Variants in GDPD2 observed in about 807,000 individuals in gnomAD.
GDPD2 encodes glycerophosphodiester phosphodiesterase domain containing 2.
GDPD2 carries 23 observed loss-of-function variants against 49.2 expected under a neutral mutation model. That is an observed-to-expected ratio of 0.47 (90% CI 0.34 to 0.66). The LOEUF is 0.66. Among genes scored for constraint, GDPD2 ranks in the 30% least tolerant of loss-of-function variants. The probability of loss-of-function intolerance (pLI) is 0.01; values close to 1 mark genes in which losing one functional copy is unlikely to be tolerated. For synonymous variants in GDPD2, 167 were observed against 171.4 expected (o/e 0.97, Z 0.20); for missense variants, 338 against 424.7 (o/e 0.80, Z 1.79).
chrX:70,432,414 G>T lies in GDPD2; in HGVS notation c.1415G>T (p.Cys472Phe), dbSNP rs1287451554. 1 of 1,210,739 alleles carries T rather than the reference G, an allele frequency of 8.3e-7. No individual in the cohort carries two copies. Among genetic ancestry groups the T allele is most frequent in the East Asian group, 3.0e-5 (1 of 33,853 alleles). The part of the protein sequence containing the change: ...AGVDSVTTND[C>F]QLLQQMRYPI... ...GTGGATTCGGTCACCACCAACGACTGCCAGCTGCTGCAGCAGATGCGTTAC... is the reference window on the plus strand; with the variant it reads ...GTGGATTCGGTCACCACCAACGACTTCCAGCTGCTGCAGCAGATGCGTTAC... Residue 472 changes from cysteine (C) to phenylalanine (F), a missense_variant, in exon 13 of 16, where the codon TGC (cysteine) becomes TTC (phenylalanine). Physicochemically the swap from Cys to Phe is radical, Grantham distance 205. This residue lies in a region of GDPD2 where 253 missense variants were observed against 330.4 expected (regional missense o/e 0.77). Coordinates refer to ENST00000374382, the MANE Select transcript of GDPD2 (RefSeq NM_017711.4).
In GDPD2 at chrX:70,426,117, G is replaced by A; in HGVS notation, c.363+6G>A. The A allele has an allele frequency of 8.4e-7, 1 of 1,184,364 alleles. No homozygotes were observed. ...ATCTGCACAGCCTCCACAAGGTACA[G>A]TAGGGATGGGAGTGCATGGGAGAGG... On this transcript the variant is annotated splice_donor_region_variant and intron_variant, in intron 5 of 15. Coordinates refer to ENST00000374382, the MANE Select transcript of GDPD2 (RefSeq NM_017711.4).
chrX:70,430,205 T>C lies in GDPD2; in HGVS notation c.1307+142T>C, dbSNP rs1267706099. On this transcript the variant is annotated intron_variant, in intron 12 of 15. Transcript: ENST00000374382. ...AACACTTGCCATGTATCAGGTAGTA[T>C]TGCAGGCTTTGGGGAAACAACACAG... 6 of 528,526 alleles carry C rather than the reference T, an allele frequency of 1.1e-5. No homozygotes were observed. In the East Asian group the frequency reaches 1.8e-4, roughly 16 times the overall value. 43.6% of individuals were successfully genotyped at this position (528,526 alleles called of 1,213,427 possible). A position where few individuals can be genotyped will look rare whatever the true frequency, so the allele number is the denominator to read the frequency against.
chrX:70,430,413 C>G (rs1478935701), intron 12 of GDPD2, among the ~76,000 whole-genome samples: 1 of 111,645 alleles, frequency 9.0e-6, no homozygotes, highest in Non-Finnish European at 1.9e-5. Flanking sequence ...TGGGTGCACC[C>G]ACATTAGGAA....
intron 12 of GDPD2, 139 bp downstream of exon 12, chrX:70,430,202 G>A (rs1269876026): frequency 1.3e-5 from 7 of 540,866 alleles, no homozygotes; most frequent in Admixed American, 3.7e-5. Context: ...GTATCAGGTA[G>A]TATTGCAGGC....
At chrX:70,425,671 C>G in intron 3 of GDPD2, 92 bp from the exon 4 acceptor site, 4 of 599,006 alleles carry the variant, frequency 6.7e-6, no homozygotes, top group Non-Finnish European at 1.2e-5. Context: ...TCACTCCCTT[C>G]TAGTCTTCCT....
At chrX:70,426,322 C>T (rs909118378) in intron 5 of GDPD2, 49 bp from the exon 6 acceptor site, 10 of 1,083,316 alleles carry the variant, frequency 9.2e-6, no homozygotes, top group African/African-American at 1.8e-5. Context: ...AGCTCACCAA[C>T]CATGAGCCCA....
In GDPD2 at chrX:70,433,198, C is replaced by A; in HGVS notation, c.*112C>A. 3.4e-6 allele frequency: 2 copies of A among 588,929 alleles called. No homozygotes were observed. Among genetic ancestry groups the A allele is most frequent in the Non-Finnish European group, 5.6e-6 (2 of 355,507 alleles). 48.5% of individuals were successfully genotyped at this position (588,929 alleles called of 1,213,427 possible). On this transcript the variant is annotated 3_prime_UTR_variant, in exon 16 of 16. Coordinates refer to ENST00000374382, the MANE Select transcript of GDPD2 (RefSeq NM_017711.4). ...GGTGGTGGGTTGCAAGTGGGGGGAG[C>A]TTTGCCAACAGGAGGTTTTGAACCA...
At chrX:70,430,952 A>AT (rs557583589) in intron 12 of GDPD2, 11,704 of 360,625 alleles carry the variant, frequency 0.032, 6 homozygotes, top group South Asian at 0.037. Flanking sequence ...ATGCAAGGCT[A>AT]TTTTTTTTTT....
At chrX:70,423,484 T>G (rs2086395936) in intron 1 of GDPD2, 102 bp downstream of exon 1, 1 of 111,906 alleles carries the variant, frequency 8.9e-6, no homozygotes. Context: ...ATGGCACCCC[T>G]GTCAGCAACC....
intron 4 of GDPD2, 77 bp from the exon 5 acceptor site, chrX:70,425,975 A>G: frequency 1.1e-6 from 1 of 942,987 alleles, no homozygotes; most frequent in Non-Finnish European, 1.5e-6. Flanking sequence ...GGAGGGAAGT[A>G]CCAGCCTGGG....
rs745867534 is a variant in GDPD2 at position 70,425,035 on chromosome X, C to T, written c.51C>T (p.Cys17=). ...CCGTCTGGGCCCGCTGCCTCCACTGCCTGTATAGCTGCCACTGGAGGAAAT... is the reference window on the plus strand; with the variant it reads ...CCGTCTGGGCCCGCTGCCTCCACTGTCTGTATAGCTGCCACTGGAGGAAAT... ...CCSVWARCLH[C]LYSCHWRKCP... is the part of the protein sequence containing the mutation. Residue 17 remains cysteine (C), a synonymous_variant, in exon 2 of 16, where the codon TGC becomes TGT. Transcript: ENST00000374382. 2.5e-6 allele frequency: 3 copies of T among 1,199,778 alleles called. No individual in the cohort carries two copies. In the African/African-American group the frequency reaches 5.3e-5, roughly 21 times the overall value.
chrX:70,426,987 G>T lies in GDPD2; in HGVS notation c.678G>T (p.Leu226=). ...EPRDLPPKPG[L]VGHRGAPMLA... is the part of the protein sequence containing the mutation. The stretch of plus-strand genomic sequence containing the variant: ...GAGACTTACCACCCAAGCCTGGGCT[G>T]GTGGGACACCGAGGGGCCCCCATGG... The change falls in exon 8 of 16, where the codon CTG becomes CTT. Residue 226 remains leucine (L), a synonymous_variant. Transcript: ENST00000374382. 8.3e-7 allele frequency: 1 copy of T among 1,211,107 alleles called. No individual in the cohort carries two copies. The highest frequency in any genetic ancestry group is 1.1e-6 in the Non-Finnish European group (1 of 894,891).
In GDPD2 at chrX:70,433,188, G is replaced by A. The variant is rs1004019015; in HGVS notation, c.*102G>A. ...ATGCTTCAGGGGTGGTGGGTTGCAA[G>A]TGGGGGGAGCTTTGCCAACAGGAGG... On this transcript the variant is annotated 3_prime_UTR_variant, in exon 16 of 16. Coordinates refer to ENST00000374382, the MANE Select transcript of GDPD2 (RefSeq NM_017711.4). The A allele has an allele frequency of 2.5e-5, 16 of 647,904 alleles. No individual in the cohort carries two copies. The highest frequency in any genetic ancestry group is 3.9e-5 in the Non-Finnish European group (16 of 406,652). 53.4% of individuals were successfully genotyped at this position (647,904 alleles called of 1,213,427 possible). A position where few individuals can be genotyped will look rare whatever the true frequency, so the allele number is the denominator to read the frequency against.
chrX:70,423,899 G>T (rs990760213), intron 1 of GDPD2, among the ~76,000 whole-genome samples: 1 of 111,591 alleles, frequency 9.0e-6, no homozygotes, highest in Non-Finnish European at 1.9e-5. Flanking sequence ...CAGCCCGCAC[G>T]CACACATGCT....
chrX:70,427,603 G>A, intron 10 of GDPD2, 140 bp downstream of exon 10: 1 of 478,518 alleles, frequency 2.1e-6, no homozygotes, highest in Non-Finnish European at 3.4e-6. Context: ...CTTCCACCTA[G>A]TAGAGAGCCT....
intron 12 of GDPD2, chrX:70,431,126 T>C: frequency 1.7e-6 from 2 of 1,144,055 alleles, no homozygotes; most frequent in Admixed American, 2.6e-5. Context: ...CACCTAGCTA[T>C]GTAAGTATTT....
intron 10 of GDPD2, among the ~76,000 whole-genome samples, chrX:70,428,327 CT>C (rs905519957): frequency 1.3e-4 from 15 of 112,296 alleles, no homozygotes; most frequent in Non-Finnish European, 5.6e-5. Flanking sequence ...TTTTGCCTAA[CT>C]GTAGGCTAAT....
intron 2 of GDPD2, 50 bp from the exon 3 acceptor site, chrX:70,425,304 T>G: frequency 4.4e-6 from 4 of 908,745 alleles, no homozygotes; most frequent in Non-Finnish European, 6.5e-6. Context: ...TTGGGGACTC[T>G]GAGTTTGAAG....
At chrX:70,431,236 C>A in intron 12 of GDPD2, 1 of 565,698 alleles carries the variant, frequency 1.8e-6, no homozygotes, top group Non-Finnish European at 2.9e-6. Context: ...AACTGCTGAT[C>A]ATGTTTCCAA....
Sources: gnomAD v4.1 joint callset for allele counts (sites outside exome capture counted in the v4.1 genomes callset) on GRCh38, gnomAD v4.1.1 for gene constraint, gnomAD v4.1.1 regional missense constraint, MANE v1.5 for transcripts, NCBI Gene and HGNC (gene_info 2026-07-23, HGNC 2026-07-21) for gene names.